The following CAPN14 variants were observed in gnomAD, a reference collection of about 807,000 sequenced individuals.
The protein encoded by CAPN14 is calpain-14.
In CAPN14, 94 loss-of-function variants were observed where a neutral mutation model predicts 101.3. The ratio of observed to expected loss-of-function variants is 0.93; its 90% CI spans 0.79 to 1.10. The LOEUF is 1.10. Among genes scored for constraint, CAPN14 ranks in the 50% least tolerant of loss-of-function variants. The probability of loss-of-function intolerance (pLI) is 0.00; values close to 1 mark genes in which losing one functional copy is unlikely to be tolerated. For synonymous variants in CAPN14, 338 were observed against 317.9 expected (o/e 1.06, Z -0.67); for missense variants, 837 against 828.4 (o/e 1.01, Z -0.13).
At chr2:31,208,171 A>C (rs1233919404) in intron 1 of CAPN14, among the ~76,000 whole-genome samples, 1 of 150,626 alleles carries the variant, frequency 6.6e-6, no homozygotes, top group East Asian at 1.9e-4. Flanking sequence ...CCAAAAAAAA[A>C]CTCCAAAAAA....
intron 7 of CAPN14, among the ~76,000 whole-genome samples, chr2:31,198,842 T>C (rs10177986): frequency 0.085 from 12,865 of 152,228 alleles, 754 homozygotes; most frequent in Non-Finnish European, 0.13. Context: ...AATCTATCCA[T>C]TACAAGGACC....
chr2:31,230,898 T>C lies in CAPN14; in HGVS notation c.-177+2893A>G, dbSNP rs1683170561. ...CTTGTTTAAAGAACTCTTCCTGACT[T>C]TGTGGTGATATATATGCAATCTCTA... On this transcript the variant is annotated intron_variant and NMD_transcript_variant, in intron 1 of 21. Transcript: ENST00000398824. This position sits in a 1 kb window ranked among gnomAD's most constrained non-coding sequence, Gnocchi z 4.3. Among the ~76,000 whole-genome samples the C allele has an allele frequency of 6.6e-6, 1 of 152,236 alleles. No homozygotes were observed. Among genetic ancestry groups the C allele is most frequent in the Admixed American group, 6.5e-5 (1 of 15,286 alleles).
Position 31,189,229 on chromosome 2 carries a change from G to A in CAPN14, c.1493+44C>T, listed in dbSNP as rs369417052. The A allele has an allele frequency of 2.0e-4, 311 of 1,526,492 alleles. No individual in the cohort carries two copies. The African/African-American group carries it at 3.3e-3, about 16-fold the overall frequency. The allele number at this position is 1,526,492 out of a possible 1,614,324, so 94.6% of individuals were successfully genotyped here. The stretch of plus-strand genomic sequence containing the variant: ...AACCTTGCCCTCCTTGCCTGTCCTC[G>A]TCCAAGTGGTCCCCACCCTCTAGGA... On this transcript the variant is annotated intron_variant, in intron 13 of 21. Transcript: ENST00000403897.
chr2:31,186,614 G>T (rs1680911290), intron 15 of CAPN14, 129 bp from the exon 16 acceptor site: 2 of 632,000 alleles, frequency 3.2e-6, no homozygotes, highest in Non-Finnish European at 5.2e-6. Context: ...CTTTTTAACT[G>T]GGTGCCAACC....
intron 1 of CAPN14, among the ~76,000 whole-genome samples, chr2:31,209,967 G>GAC (rs1427604591): frequency 2.0e-5 from 3 of 152,192 alleles, no homozygotes; most frequent in Non-Finnish European, 4.4e-5. Context: ...CTGGTCCTAT[G>GAC]AGGTTGTCCA....
rs555678788 is a variant in CAPN14 at position 31,179,230 on chromosome 2, C to A, written c.1711-651G>T. On this transcript the variant is annotated intron_variant, in intron 17 of 21. Transcript: ENST00000403897. ...ATGTTATCTTTCCCCCTGCCCCCCACCCCCTGACAGGTCCCAGGGTGTGAT... is the reference window on the plus strand; with the variant it reads ...ATGTTATCTTTCCCCCTGCCCCCCAACCCCTGACAGGTCCCAGGGTGTGAT... Among the ~76,000 whole-genome samples the A allele has an allele frequency of 2.0e-3, 309 of 151,950 alleles. 1 individual carries two copies. The highest frequency in any genetic ancestry group is 4.0e-3 in the Non-Finnish European group (270 of 67,966).
At position 31,230,376 on chromosome 2, in the gene CAPN14, T is replaced by C. The variant is rs1683154518; in HGVS notation, c.-177+3415A>G. ...AGTTTCTCTAGATCACGCCTTGAAATAGAATGGAAGGAGATAGGTCATAGG... is the reference window on the plus strand; with the variant it reads ...AGTTTCTCTAGATCACGCCTTGAAACAGAATGGAAGGAGATAGGTCATAGG... On this transcript the variant is annotated intron_variant and NMD_transcript_variant, in intron 1 of 21. Coordinates refer to the CAPN14 transcript ENST00000398824. This position sits in a 1 kb window ranked among gnomAD's most constrained non-coding sequence, Gnocchi z 4.3. Among the ~76,000 whole-genome samples, 1 of 152,208 alleles carries C rather than the reference T, an allele frequency of 6.6e-6. No individual in the cohort carries two copies. Among genetic ancestry groups the C allele is most frequent in the South Asian group, 2.1e-4 (1 of 4,828 alleles).
chr2:31,182,287 C>T (rs1680684741), intron 16 of CAPN14, among the ~76,000 whole-genome samples: 1 of 149,652 alleles, frequency 6.7e-6, no homozygotes, highest in African/African-American at 2.5e-5. Flanking sequence ...GACAGGGATG[C>T]CCTCTCTCAC....
In CAPN14 at chr2:31,178,536, A is replaced by G. The variant is rs747188171; in HGVS notation, c.1754T>C (p.Leu585Pro). Residue 585 changes from leucine (L) to proline (P), a missense_variant, in exon 18 of 22, where the codon CTG becomes CCG. Physicochemically the swap from Leu to Pro is moderately conservative, Grantham distance 98. Coordinates refer to ENST00000403897, the MANE Select transcript of CAPN14 (RefSeq NM_001145122.2). ...CTGAGAGAGCTTCAGCTGCTTCCAC[A>G]GGTCCCTGAATTCCTGGATGCTCAT... ...GTMSIQEFRD[L>P]WKQLKLSQKV... 1 of 1,549,900 alleles carries G rather than the reference A, an allele frequency of 6.5e-7. No homozygotes were observed. Among genetic ancestry groups the G allele is most frequent in the South Asian group, 1.2e-5 (1 of 83,746 alleles).
intron 10 of CAPN14, 143 bp downstream of exon 10, chr2:31,192,988 G>T: frequency 1.3e-6 from 1 of 798,040 alleles, no homozygotes; most frequent in Non-Finnish European, 2.0e-6. Context: ...TTATAGCCCA[G>T]GGCCCCAACA....
intron 1 of CAPN14, among the ~76,000 whole-genome samples, chr2:31,209,018 G>A (rs11681673): frequency 0.44 from 66,373 of 151,874 alleles, 15,752 homozygotes; most frequent in East Asian, 0.59. Flanking sequence ...CACCCAAGCT[G>A]GAGTGCAAGG....
intron 15 of CAPN14, among the ~76,000 whole-genome samples, chr2:31,187,200 C>T (rs574650747): frequency 5.9e-5 from 9 of 152,254 alleles, no homozygotes; most frequent in Non-Finnish European, 8.8e-5. Context: ...GTTAGGAGAG[C>T]ATGGCCTCCA....
intron 11 of CAPN14, among the ~76,000 whole-genome samples, chr2:31,191,640 G>C (rs1003565738): frequency 3.3e-5 from 5 of 152,190 alleles, no homozygotes; most frequent in African/African-American, 9.7e-5. Context: ...CTTTTGGGGA[G>C]AGGAAAAGGA....
At position 31,192,013 on chromosome 2, in the gene CAPN14, CA is replaced by C; in HGVS notation, c.1199del (p.Leu400ArgfsTer28). ...GCCTGGGCTTCTGGAGCAGGGACAC[CA>C]GCACGCTGCAGGGCCTCAGGGATCT... ...GRRSLRPCSV[L>X]VSLLQKPRHR... On this transcript the variant is annotated frameshift_variant, in exon 11 of 22. Transcript: ENST00000403897. LOFTEE classifies it high-confidence loss of function. The C allele has an allele frequency of 1.9e-6, 3 of 1,551,638 alleles. No individual in the cohort carries two copies. The South Asian group carries it at 3.6e-5, about 18-fold the overall frequency.
chr2:31,226,073 A>C (rs577590421), intron 2 of CAPN14, among the ~76,000 whole-genome samples: 1 of 152,344 alleles, frequency 6.6e-6, no homozygotes, highest in East Asian at 1.9e-4. Context: ...GATAACTCTG[A>C]AATAAGGATT....
chr2:31,206,397 C>A (rs995737051), intron 1 of CAPN14, among the ~76,000 whole-genome samples: 1 of 152,176 alleles, frequency 6.6e-6, no homozygotes. Context: ...CAGATACAGA[C>A]GCCCGCCACC....
intron 12 of CAPN14, 107 bp downstream of exon 12, chr2:31,191,292 C>T: frequency 9.1e-7 from 1 of 1,100,032 alleles, no homozygotes; most frequent in Non-Finnish European, 1.3e-6. Flanking sequence ...ATTATCATAG[C>T]TTCTTACGCA....
chr2:31,228,946 T>C (rs1683105197), intron 1 of CAPN14, among the ~76,000 whole-genome samples: 2 of 152,002 alleles, frequency 1.3e-5, no homozygotes, highest in Admixed American at 6.5e-5. Flanking sequence ...ATGTGCTGGG[T>C]TTGGAAGAGA....
At chr2:31,218,270 C>A (rs138615223), upstream of CAPN14, among the ~76,000 whole-genome samples, 1 of 149,502 alleles carries the variant, frequency 6.7e-6, no homozygotes, top group Non-Finnish European at 1.5e-5. Context: ...GTTCCCACCA[C>A]CACTTGCACA....
Sources: gnomAD v4.1 joint callset for allele counts (sites outside exome capture counted in the v4.1 genomes callset) on GRCh38, gnomAD v4.1.1 for gene constraint, Gnocchi (gnomAD v3.1) non-coding constraint, MANE v1.5 for transcripts, NCBI Gene and HGNC (gene_info 2026-07-23, HGNC 2026-07-21) for gene names.